Variants in CTNND1 observed in about 807,000 individuals in gnomAD.
CTNND1 encodes the protein catenin delta 1.
Under a neutral mutation model 112.1 loss-of-function variants are expected in CTNND1, and 16 were observed. That is an observed-to-expected ratio of 0.14 (90% confidence interval 0.10 to 0.22). The LOEUF (loss-of-function observed/expected upper bound fraction) is 0.22, where lower values mean the gene tolerates loss of function less well. Among genes scored for constraint, CTNND1 ranks in the 10% least tolerant of loss-of-function variants. CTNND1 has a pLI of 1.00. For missense variants in CTNND1, 1,008 were observed against 1,257.0 expected, an observed-to-expected ratio of 0.80 and a Z score of 3.00; for synonymous variants, 420 against 446.5, an observed-to-expected ratio of 0.94 and a Z score of 0.75.
chr11:57,773,023 C>T (rs950766451), intron 1 of CTNND1, among the ~76,000 whole-genome samples: 1 of 152,184 alleles, frequency 6.6e-6, no homozygotes, highest in African/African-American at 2.4e-5. Flanking sequence ...CCATCTCCTC[C>T]TTTGTTCAGG....
chr11:57,773,602 C>T (rs533309642), intron 1 of CTNND1, among the ~76,000 whole-genome samples: 5 of 151,596 alleles, frequency 3.3e-5, no homozygotes, highest in African/African-American at 1.2e-4. Context: ...TGGGTGCATG[C>T]CACCACGCCT....
chr11:57,762,143 G>A, intron 1 of CTNND1, 24 bp downstream of exon 1: 1 of 964,920 alleles, frequency 1.0e-6, no homozygotes, highest in Non-Finnish European at 1.2e-6. Context: ...ATTAAAAAAC[G>A]GGAGAGTCTG....
intron 16 of CTNND1, 95 bp from the exon 17 acceptor site, chr11:57,811,304 T>C (rs200261556): frequency 2.1e-6 from 2 of 967,932 alleles, no homozygotes; most frequent in Admixed American, 4.7e-5. Flanking sequence ...ATGATTCTAT[T>C]TGGGAATAGG....
chr11:57,766,974 C>CTT (rs779955741), intron 1 of CTNND1, among the ~76,000 whole-genome samples: 57 of 140,100 alleles, frequency 4.1e-4, no homozygotes, highest in Non-Finnish European at 6.0e-4. Flanking sequence ...ATTTTCTTAT[C>CTT]TTTTTTTTTT....
intron 17 of CTNND1, among the ~76,000 whole-genome samples, chr11:57,811,917 A>G (rs1262392804): frequency 6.6e-6 from 1 of 152,256 alleles, no homozygotes; most frequent in East Asian, 1.9e-4. Flanking sequence ...ATGTGAGTAA[A>G]CACATTTTTC....
rs1255260832 is a variant in CTNND1 at position 57,805,920 on chromosome 11, A to T, written c.1761A>T (p.Ser587=). 1.2e-6 allele frequency: 2 copies of T among 1,613,862 alleles called. No homozygotes were observed. The highest frequency in any genetic ancestry group is 1.7e-6 in the Non-Finnish European group (2 of 1,179,818). Residue 587 remains serine, a synonymous_variant, in exon 10 of 21, where the codon TCA becomes TCT. Transcript: ENST00000399050. ...GTGTTTGCCTTCTTCGGAACTTATC[A>T]TATCAAGTTCACCGGGAGATCCCAC... is the stretch of plus-strand genomic sequence containing the variant. ...ENCVCLLRNL[S]YQVHREIPQA... is the part of the protein sequence containing the mutation.
In CTNND1 at chr11:57,802,157, C is replaced by G; in HGVS notation, c.1381C>G (p.Arg461Gly). ...TGTGCCTGCCCTTGTGCGATTGCTT[C>G]GAAAGGCTCGTGATATGGACCTTAC... ...DGVPALVRLL[R>G]KARDMDLTEV... Residue 461 changes from arginine (R) to glycine (G), a missense_variant, in exon 7 of 21, where the codon CGA (arginine) becomes GGA (glycine). By Grantham distance (125) the Arg-to-Gly change is moderately radical. Transcript: ENST00000399050. The G allele has an allele frequency of 6.2e-7, 1 of 1,613,754 alleles. No individual in the cohort carries two copies. The highest frequency in any genetic ancestry group is 8.5e-7 in the Non-Finnish European group (1 of 1,179,794).
At chr11:57,790,373 ATTTC>A (rs1464188982) in intron 2 of CTNND1, among the ~76,000 whole-genome samples, 45 of 143,878 alleles carry the variant, frequency 3.1e-4, no homozygotes, top group African/African-American at 1.0e-3. Flanking sequence ...ACCTACTTTC[ATTTC>A]TTTCTTTCTT....
chr11:57,781,372 T>TA (rs1344881529), intron 1 of CTNND1, among the ~76,000 whole-genome samples: 1 of 152,204 alleles, frequency 6.6e-6, no homozygotes, highest in Non-Finnish European at 1.5e-5. Flanking sequence ...GTGTCTTAGT[T>TA]AATTTTAGGA....
In CTNND1 at chr11:57,791,395, G is replaced by A. The variant is rs998478072; in HGVS notation, c.-84G>A. 2.2e-6 allele frequency: 3 copies of A among 1,372,378 alleles called. No individual in the cohort carries two copies. In the African/African-American group the frequency reaches 4.5e-5, roughly 21 times the overall value. The allele number at this position is 1,372,378 out of a possible 1,614,324, so 85.0% of individuals were successfully genotyped here. ...ACCCTTTCCCGGTAGTGTGAAGTGAGGGGGTCTCTCTCCCTCCTTCTCCTT... is the reference window on the plus strand; with the variant it reads ...ACCCTTTCCCGGTAGTGTGAAGTGAAGGGGTCTCTCTCCCTCCTTCTCCTT... On this transcript the variant is annotated 5_prime_UTR_variant, in exon 3 of 21. Transcript: ENST00000399050.
intron 9 of CTNND1, 70 bp downstream of exon 9, chr11:57,804,850 A>T: frequency 9.0e-7 from 1 of 1,109,088 alleles, no homozygotes; most frequent in Non-Finnish European, 1.4e-6. Flanking sequence ...TCTGTAGGTC[A>T]GAGACCTATC....
chr11:57,797,436 G>C (rs2136948412), intron 6 of CTNND1, among the ~76,000 whole-genome samples: 1 of 147,994 alleles, frequency 6.8e-6, no homozygotes, highest in South Asian at 2.1e-4. Flanking sequence ...TCACCATGTT[G>C]GCCAGGCTGG....
chr11:57,803,770 G>C lies in CTNND1; in HGVS notation c.1570G>C (p.Glu524Gln). Residue 524 changes from glutamate to glutamine, a missense_variant, in exon 8 of 21, where the codon GAA becomes CAA. By Grantham distance (29) the Glu-to-Gln change is conservative. Around this residue, in one of 5 missense-constraint regions of CTNND1, gnomAD observed 216 missense variants for 342.8 expected, o/e 0.63. Coordinates refer to ENST00000399050, the MANE Select transcript of CTNND1 (RefSeq NM_001085458.2). ...EDCKPRHIEW[E>Q]SVLTNTAGCL... is the part of the protein sequence containing the mutation. ...CTGTAAGCCACGCCACATTGAGTGG[G>C]AATCGGTGCTCACCAACACAGCTGG... 6.2e-7 allele frequency: 1 copy of C among 1,611,396 alleles called. No individual in the cohort carries two copies. The highest frequency in any genetic ancestry group is 1.7e-4 in the Middle Eastern group (1 of 6,052).
At position 57,815,818 on chromosome 11, in the gene CTNND1, T is replaced by C. The variant is rs886712172; in HGVS notation, c.2809-97T>C. 3 of 1,018,302 alleles carry C rather than the reference T, an allele frequency of 2.9e-6. No homozygotes were observed. The Admixed American group carries it at 7.0e-5, about 24-fold the overall frequency. The allele number at this position is 1,018,302 out of a possible 1,614,324, so 63.1% of individuals were successfully genotyped here. On this transcript the variant is annotated intron_variant, in intron 19 of 20. Coordinates refer to ENST00000399050, the MANE Select transcript of CTNND1 (RefSeq NM_001085458.2). ...CTTCTCTTACTATTATATCTTGTTT[T>C]GTTTGAGTTTACAAATTTTCAGAGT...
At chr11:57,781,642 T>C (rs1362949176) in intron 1 of CTNND1, 1 of 152,280 alleles carries the variant, frequency 6.6e-6, no homozygotes, top group East Asian at 1.9e-4. Flanking sequence ...TGCACAGGGA[T>C]CCAGGTAAGT....
chr11:57,790,917 C>T (rs61888910), intron 2 of CTNND1, among the ~76,000 whole-genome samples: 6,821 of 151,912 alleles, frequency 0.045, 217 homozygotes, highest in Non-Finnish European at 0.072. Flanking sequence ...TAATTTGCTG[C>T]CACTTCAGCA....
chr11:57,786,007 A>G (rs2060091942), intron 1 of CTNND1, among the ~76,000 whole-genome samples: 1 of 152,050 alleles, frequency 6.6e-6, no homozygotes, highest in African/African-American at 2.4e-5. Context: ...AAGGATCTTT[A>G]CTATGGACTA....
chr11:57,789,887 G>A (rs2060510000), intron 2 of CTNND1, among the ~76,000 whole-genome samples: 4 of 152,186 alleles, frequency 2.6e-5, no homozygotes, highest in Admixed American at 1.3e-4. Flanking sequence ...ACTTTCAGAG[G>A]TTGAGGCTAA....
intron 9 of CTNND1, 144 bp from the exon 10 acceptor site, chr11:57,805,738 C>A: frequency 1.2e-6 from 1 of 868,462 alleles, no homozygotes; most frequent in Non-Finnish European, 1.7e-6. Context: ...AAGCCTGGAG[C>A]ACTTAAGAGG....
Sources: gnomAD v4.1 joint callset for allele counts (sites outside exome capture counted in the v4.1 genomes callset) on GRCh38, gnomAD v4.1.1 for gene constraint, gnomAD v4.1.1 regional missense constraint, MANE v1.5 for transcripts, NCBI Gene and HGNC (gene_info 2026-07-23, HGNC 2026-07-21) for gene names.